Variants in CEP95 observed in about 807,000 individuals in gnomAD.
CEP95 encodes the protein centrosomal protein of 95 kDa.
A neutral mutation model predicts 111.2 loss-of-function variants in CEP95; 98 were observed. The ratio of observed to expected loss-of-function variants is 0.88; its 90% CI spans 0.75 to 1.04. The LOEUF is 1.04. Ranked by LOEUF, CEP95 falls within the 50% of genes least tolerant of loss-of-function variation. The pLI is 0.00. For missense variants in CEP95, 1,027 were observed against 977.2 expected, an observed-to-expected ratio of 1.05 and a Z score of -0.68; for synonymous variants, 323 against 327.1, an observed-to-expected ratio of 0.99 and a Z score of 0.14.
At chr17:64,511,539 C>T (rs2038897055) in intron 3 of CEP95, among the ~76,000 whole-genome samples, 1 of 152,202 alleles carries the variant, frequency 6.6e-6, no homozygotes, top group Non-Finnish European at 1.5e-5. Context: ...CTGTCTTATT[C>T]CCTGAACAAT....
intron 3 of CEP95, among the ~76,000 whole-genome samples, chr17:64,511,030 T>G (rs921914416): frequency 1.3e-5 from 2 of 152,034 alleles, no homozygotes; most frequent in Non-Finnish European, 2.9e-5. Flanking sequence ...ACCAGCAAGT[T>G]TTTATTAGGG....
In CEP95 at chr17:64,510,994, T is replaced by C. The variant is rs574695073; in HGVS notation, c.256+714T>C. ...GGGGAGACATCACATGTCTGTAGGT[T>C]CCGTGATGCCCCACAAGCTGCAAAA... is the stretch of plus-strand genomic sequence containing the variant. On this transcript the variant is annotated intron_variant, in intron 3 of 19. Coordinates refer to ENST00000556440, the MANE Select transcript of CEP95 (RefSeq NM_138363.3). Among the ~76,000 whole-genome samples the C allele has an allele frequency of 2.1e-4, 32 of 152,288 alleles. No individual in the cohort carries two copies. In the East Asian group the frequency reaches 3.7e-3, roughly 17 times the overall value.
chr17:64,526,027 A>AC (rs1413198573), intron 9 of CEP95, 44 bp from the exon 10 acceptor site: 2 of 1,588,370 alleles, frequency 1.3e-6, no homozygotes, highest in Non-Finnish European at 1.7e-6. Flanking sequence ...ACTAAATAAT[A>AC]GACACCTAGC....
At chr17:64,510,589 G>A (rs1385894844) in intron 3 of CEP95, among the ~76,000 whole-genome samples, 2 of 152,172 alleles carry the variant, frequency 1.3e-5, no homozygotes, top group Admixed American at 6.5e-5. Flanking sequence ...AGTCTCTGTT[G>A]CCCAGGCTGG....
chr17:64,511,831 TTGGGG>T (rs2038914671), intron 3 of CEP95, among the ~76,000 whole-genome samples: 1 of 152,184 alleles, frequency 6.6e-6, no homozygotes, highest in Non-Finnish European at 1.5e-5. Flanking sequence ...AAGTATTAAT[TTGGGG>T]AACTAATAAA....
chr17:64,517,718 G>A (rs1390907726), intron 5 of CEP95, among the ~76,000 whole-genome samples: 1 of 138,580 alleles, frequency 7.2e-6, no homozygotes, highest in Non-Finnish European at 1.5e-5. Flanking sequence ...TTTTTTAACA[G>A]AGATGGCATC....
rs377347538 is a variant in CEP95 at position 64,526,051 on chromosome 17, A to G, written c.1023-20A>G. ...TAGACACCTAGCTATTTTACTGTCA[A>G]ATGGTCACTTTTATTACAGAAATGA... On this transcript the variant is annotated intron_variant, in intron 9 of 19. Transcript: ENST00000556440. 14 of 1,604,096 alleles carry G rather than the reference A, an allele frequency of 8.7e-6. No individual in the cohort carries two copies. Among genetic ancestry groups the G allele is most frequent in the Middle Eastern group, 1.7e-4 (1 of 6,034 alleles).
intron 5 of CEP95, among the ~76,000 whole-genome samples, chr17:64,517,908 T>C (rs1357337682): frequency 6.6e-6 from 1 of 152,166 alleles, no homozygotes; most frequent in Non-Finnish European, 1.5e-5. Flanking sequence ...ACAGTCTTGC[T>C]GTGTCACACA....
chr17:64,508,621 T>G lies in CEP95; in HGVS notation c.49T>G (p.Phe17Val), dbSNP rs782821073. The G allele has an allele frequency of 1.4e-6, 2 of 1,438,192 alleles. No homozygotes were observed. The highest frequency in any genetic ancestry group is 2.9e-5 in the African/African-American group (2 of 68,806). 89.1% of individuals were successfully genotyped at this position (1,438,192 alleles called of 1,614,324 possible). The part of the protein sequence containing the change: ...EWVTIANNLL[F>V]KCHIHLRIHE... The stretch of plus-strand genomic sequence containing the variant: ...GGTAACCATTGCCAATAACCTTCTT[T>G]TTAAGTGTCATATACATCTGAGAAT... The change falls in exon 2 of 20, where the codon TTT becomes GTT. Residue 17 changes from phenylalanine (F) to valine (V), a missense_variant. Coordinates refer to ENST00000556440, the MANE Select transcript of CEP95 (RefSeq NM_138363.3).
chr17:64,530,767 C>T (rs1442733584), intron 12 of CEP95, among the ~76,000 whole-genome samples, 159 bp from the exon 13 acceptor site: 1 of 152,200 alleles, frequency 6.6e-6, no homozygotes, highest in Admixed American at 6.5e-5. Flanking sequence ...CTCATCCTCA[C>T]CGCACGCGGC....
At chr17:64,522,552 G>A (rs111291434) in intron 7 of CEP95, 150 bp from the exon 8 acceptor site, 226 of 541,614 alleles carry the variant, frequency 4.2e-4, no homozygotes, top group African/African-American at 4.1e-3. Flanking sequence ...CTATATCCCT[G>A]GTTTAATTAT....
intron 5 of CEP95, among the ~76,000 whole-genome samples, chr17:64,518,680 T>C (rs1555676969): frequency 2.0e-5 from 3 of 151,988 alleles, no homozygotes; most frequent in Admixed American, 2.0e-4. Context: ...CATCATAAGA[T>C]GAAATTTTTT....
In CEP95 at chr17:64,529,266, A is replaced by C. The variant is rs782126849; in HGVS notation, c.1307-22A>C. The C allele has an allele frequency of 2.5e-6, 4 of 1,598,798 alleles. No homozygotes were observed. The Admixed American group carries it at 5.4e-5, about 21-fold the overall frequency. ...ATTCTGGCTATCAGGAACTAATGTT[A>C]TATGTCTTTTCTCTGTTGCAGGACT... is the stretch of plus-strand genomic sequence containing the variant. On this transcript the variant is annotated intron_variant, in intron 11 of 19. Transcript: ENST00000556440.
rs1568114443 is a variant in CEP95 at position 64,507,105 on chromosome 17, GCT to G, written c.10_11del (p.Ser4GlyfsTer3). 1.2e-5 allele frequency: 19 copies of G among 1,551,432 alleles called. No individual in the cohort carries two copies. The highest frequency in any genetic ancestry group is 1.6e-5 in the Non-Finnish European group (18 of 1,146,952). The stretch of plus-strand genomic sequence containing the variant: ...GCGACCTGCCTCTGAAACATGGCAG[GCT>G]CGGATGCTGGTGAGTGTCTCCCTGG... On this transcript the variant is annotated frameshift_variant, in exon 1 of 20. Coordinates refer to ENST00000556440, the MANE Select transcript of CEP95 (RefSeq NM_138363.3). LOFTEE classifies it high-confidence loss of function.
chr17:64,506,992 G>C lies in CEP95; in HGVS notation c.-106G>C. 11 of 1,343,090 alleles carry C rather than the reference G, an allele frequency of 8.2e-6. No individual in the cohort carries two copies. Among genetic ancestry groups the C allele is most frequent in the Non-Finnish European group, 1.1e-5 (11 of 957,930 alleles). 83.2% of individuals were successfully genotyped at this position (1,343,090 alleles called of 1,614,324 possible). A position where few individuals can be genotyped will look rare whatever the true frequency, so the allele number is the denominator to read the frequency against. Reference sequence around the variant, plus strand: ...TTCACGCCTCCTTCCCCGCGCTTTGGTTCGTGCGTCCGCGCCCCAGTGTCG... The same window carrying C: ...TTCACGCCTCCTTCCCCGCGCTTTGCTTCGTGCGTCCGCGCCCCAGTGTCG... On this transcript the variant is annotated 5_prime_UTR_variant, in exon 1 of 20. Coordinates refer to ENST00000556440, the MANE Select transcript of CEP95 (RefSeq NM_138363.3).
Position 64,510,220 on chromosome 17 carries a change from C to A in CEP95, c.196C>A (p.Gln66Lys), listed in dbSNP as rs782421504. The change falls in exon 3 of 20, where the codon CAA becomes AAA. Residue 66 changes from glutamine to lysine, a missense_variant. By Grantham distance (53) the Gln-to-Lys change is moderately conservative (BLOSUM62 1). Transcript: ENST00000556440. ...RSQEDDAHNV[Q>K]AVIDSLALDY... ...TCAAGAAGATGATGCACACAATGTA[C>A]AAGCAGTAATTGATTCACTGGCCTT... The A allele has an allele frequency of 6.2e-7, 1 of 1,612,062 alleles. No homozygotes were observed. The highest frequency in any genetic ancestry group is 8.5e-7 in the Non-Finnish European group (1 of 1,178,906).
chr17:64,507,022 T>G lies in CEP95; in HGVS notation c.-76T>G. On this transcript the variant is annotated 5_prime_UTR_variant, in exon 1 of 20. Coordinates refer to ENST00000556440, the MANE Select transcript of CEP95 (RefSeq NM_138363.3). ...TGCGTCCGCGCCCCAGTGTCGGGTC[T>G]GCGTGGATCGGTCCTTCCAGGACAC... 2 of 1,531,072 alleles carry G rather than the reference T, an allele frequency of 1.3e-6. No homozygotes were observed. The highest frequency in any genetic ancestry group is 1.8e-6 in the Non-Finnish European group (2 of 1,129,388). 94.8% of individuals were successfully genotyped at this position (1,531,072 alleles called of 1,614,324 possible). A position where few individuals can be genotyped will look rare whatever the true frequency, so the allele number is the denominator to read the frequency against.
At chr17:64,520,865 A>G (rs1157192337) in intron 6 of CEP95, among the ~76,000 whole-genome samples, 1 of 152,216 alleles carries the variant, frequency 6.6e-6, no homozygotes, top group Non-Finnish European at 1.5e-5. Flanking sequence ...AAATAATGAA[A>G]CATTGTATGA....
chr17:64,512,152 G>T (rs1200761641), intron 3 of CEP95, among the ~76,000 whole-genome samples: 2 of 152,180 alleles, frequency 1.3e-5, no homozygotes, highest in African/African-American at 4.8e-5. Flanking sequence ...CGAGAAAAAT[G>T]TAGTACAATT....
Sources: gnomAD v4.1 joint callset for allele counts (sites outside exome capture counted in the v4.1 genomes callset) on GRCh38, gnomAD v4.1.1 for gene constraint, MANE v1.5 for transcripts, NCBI Gene and HGNC (gene_info 2026-07-23, HGNC 2026-07-21) for gene names.